The following HNRNPUL2 variants were observed in gnomAD, a reference collection of about 807,000 sequenced individuals.
The protein encoded by HNRNPUL2 is heterogeneous nuclear ribonucleoprotein U like 2.
HNRNPUL2 carries 27 observed loss-of-function variants against 102.2 expected under a neutral mutation model. That is an observed-to-expected ratio of 0.26 (90% CI 0.19 to 0.36). HNRNPUL2 has a LOEUF of 0.36. Ranked by LOEUF, HNRNPUL2 falls within the 10% of genes least tolerant of loss-of-function variation. The pLI, the probability that HNRNPUL2 is intolerant of heterozygous loss-of-function variation, is 1.00. For missense variants in HNRNPUL2, 936 were observed against 981.1 expected, an observed-to-expected ratio of 0.95 and a Z score of 0.61; for synonymous variants, 458 against 387.2, an observed-to-expected ratio of 1.18 and a Z score of -2.15.
At chr11:62,723,507 A>G in intron 4 of HNRNPUL2, 80 bp downstream of exon 4, 1 of 1,397,780 alleles carries the variant, frequency 7.2e-7, no homozygotes. Flanking sequence ...AAAAGAGATA[A>G]TAATCTTCTT....
chr11:62,716,963 G>C, intron 11 of HNRNPUL2, 26 bp downstream of exon 11: 13 of 1,611,286 alleles, frequency 8.1e-6, no homozygotes, highest in Non-Finnish European at 1.1e-5. Context: ...ACTGAAGTAG[G>C]GGGCTGGCAG....
intron 7 of HNRNPUL2, 62 bp from the exon 8 acceptor site, chr11:62,722,004 A>C: frequency 1.2e-6 from 2 of 1,608,906 alleles, no homozygotes; most frequent in Non-Finnish European, 1.7e-6. Context: ...TATCAAAACC[A>C]ATTTAAGAAC....
chr11:62,727,228 G>GCGCCGC lies in HNRNPUL2; in HGVS notation c.-78_-73dup, dbSNP rs199865096. On this transcript the variant is annotated 5_prime_UTR_variant, in exon 1 of 14. Coordinates refer to ENST00000301785, the MANE Select transcript of HNRNPUL2 (RefSeq NM_001079559.3). ...CCGTCGACCGAGTCCGACCGCGCAGGCGCCGCCGCCGCCGCCCGCCTCCGC... is the reference window on the plus strand; with the variant it reads ...CCGTCGACCGAGTCCGACCGCGCAGGCGCCGCCGCCGCCGCCGCCGCCCGCCTCCGC... 57,910 of 1,297,790 alleles carry GCGCCGC rather than the reference G, an allele frequency of 0.045. 1,436 individuals carry two copies. The highest frequency in any genetic ancestry group is 0.052 in the Non-Finnish European group (53,241 of 1,025,408). 80.4% of individuals were successfully genotyped at this position (1,297,790 alleles called of 1,614,324 possible).
At chr11:62,722,039 G>A (rs981770672) in intron 7 of HNRNPUL2, 78 bp downstream of exon 7, 5 of 1,600,200 alleles carry the variant, frequency 3.1e-6, no homozygotes, top group Non-Finnish European at 4.3e-6. Flanking sequence ...GTTTGGTAAC[G>A]CTCTGAGACC....
intron 10 of HNRNPUL2, 120 bp from the exon 11 acceptor site, chr11:62,717,309 T>C: frequency 2.8e-6 from 2 of 719,792 alleles, no homozygotes; most frequent in East Asian, 2.7e-5. Flanking sequence ...TGCACAAAAA[T>C]GTGCTACGTT....
intron 8 of HNRNPUL2, 69 bp downstream of exon 8, chr11:62,721,751 T>G: frequency 8.6e-6 from 13 of 1,519,716 alleles, no homozygotes; most frequent in Non-Finnish European, 1.2e-5. Context: ...TTGAGACTAA[T>G]TCTCCATTAA....
chr11:62,724,067 T>G, intron 2 of HNRNPUL2, 77 bp from the exon 3 acceptor site: 1 of 1,297,950 alleles, frequency 7.7e-7, no homozygotes, highest in Non-Finnish European at 1.1e-6. Context: ...TATGACATTA[T>G]GTCCATTTTA....
In HNRNPUL2 at chr11:62,713,857, T is replaced by C. The variant is rs1432254182; in HGVS notation, c.*1442A>G. ...CAGGAGGATGAATGAAAACTGAAGC[T>C]AGACATTGAAAGAGCATTCCATATC... is the stretch of plus-strand genomic sequence containing the variant. On this transcript the variant is annotated 3_prime_UTR_variant, in exon 14 of 14. Transcript: ENST00000301785. The C allele has an allele frequency of 6.6e-6, 1 of 152,194 alleles. No individual in the cohort carries two copies. Among genetic ancestry groups the C allele is most frequent in the Non-Finnish European group, 1.5e-5 (1 of 68,070 alleles). The allele number at this position is 152,194 out of a possible 1,614,324, so 9.4% of individuals were successfully genotyped here.
chr11:62,726,941 G>A lies in HNRNPUL2; in HGVS notation c.216C>T (p.Gly72=), dbSNP rs752096508. ...RPVAASGGGP[G]GDEEEDEEEE... is the part of the protein sequence containing the mutation. ...CCTCTTCGTCCTCCTCCTCGTCCCC[G>A]CCCGGGCCGCCGCCCGACGCGGCCA... Residue 72 remains glycine (G), a synonymous_variant, in exon 1 of 14, where the codon GGC becomes GGT. Coordinates refer to ENST00000301785, the MANE Select transcript of HNRNPUL2 (RefSeq NM_001079559.3). 24 of 1,477,074 alleles carry A rather than the reference G, an allele frequency of 1.6e-5. No homozygotes were observed. Among genetic ancestry groups the A allele is most frequent in the Middle Eastern group, 2.4e-4 (1 of 4,240 alleles). The allele number at this position is 1,477,074 out of a possible 1,614,324, so 91.5% of individuals were successfully genotyped here.
At position 62,726,946 on chromosome 11, in the gene HNRNPUL2, G is replaced by C; in HGVS notation, c.211C>G (p.Pro71Ala). The C allele has an allele frequency of 6.8e-7, 1 of 1,472,602 alleles. No homozygotes were observed. The highest frequency in any genetic ancestry group is 8.9e-7 in the Non-Finnish European group (1 of 1,120,284). The allele number at this position is 1,472,602 out of a possible 1,614,324, so 91.2% of individuals were successfully genotyped here. ...TCGTCCTCCTCCTCGTCCCCGCCCG[G>C]GCCGCCGCCCGACGCGGCCACAGGC... is the stretch of plus-strand genomic sequence containing the variant. ...PRPVAASGGG[P>A]GGDEEEDEEE... The change falls in exon 1 of 14, where the codon CCG becomes GCG. Residue 71 changes from proline to alanine, a missense_variant. Coordinates refer to ENST00000301785, the MANE Select transcript of HNRNPUL2 (RefSeq NM_001079559.3).
Position 62,727,231 on chromosome 11 carries a change from C to T in HNRNPUL2, c.-75G>A. 7.8e-7 allele frequency: 1 copy of T among 1,278,942 alleles called. No homozygotes were observed. Among genetic ancestry groups the T allele is most frequent in the Non-Finnish European group, 9.9e-7 (1 of 1,011,480 alleles). 79.2% of individuals were successfully genotyped at this position (1,278,942 alleles called of 1,614,324 possible). On this transcript the variant is annotated 5_prime_UTR_variant, in exon 1 of 14. Transcript: ENST00000301785. Reference sequence around the variant, plus strand: ...TCGACCGAGTCCGACCGCGCAGGCGCCGCCGCCGCCGCCCGCCTCCGCCTC... The same window carrying T: ...TCGACCGAGTCCGACCGCGCAGGCGTCGCCGCCGCCGCCCGCCTCCGCCTC...
chr11:62,726,109 G>A (rs1198901987), intron 1 of HNRNPUL2, among the ~76,000 whole-genome samples: 1 of 152,140 alleles, frequency 6.6e-6, no homozygotes, highest in African/African-American at 2.4e-5. Flanking sequence ...GCTCAAAGAG[G>A]AGCAAGGTTG....
At chr11:62,723,530 G>A (rs2083720266) in intron 4 of HNRNPUL2, 57 bp downstream of exon 4, 9 of 1,489,038 alleles carry the variant, frequency 6.0e-6, no homozygotes, top group Non-Finnish European at 8.2e-6. Context: ...CCCCCTCTAA[G>A]AACCGTAAGC....
At chr11:62,725,167 A>G (rs1407564264) in intron 1 of HNRNPUL2, among the ~76,000 whole-genome samples, 3 of 152,202 alleles carry the variant, frequency 2.0e-5, no homozygotes, top group African/African-American at 4.8e-5. Flanking sequence ...AAGGTTTTTA[A>G]TAATAATTTC....
At position 62,724,270 on chromosome 11, in the gene HNRNPUL2, G is replaced by A. The variant is rs550425196; in HGVS notation, c.674+21C>T. The A allele has an allele frequency of 3.0e-4, 490 of 1,613,614 alleles. 2 individuals carry two copies. Among genetic ancestry groups the A allele is most frequent in the East Asian group, 1.9e-3 (85 of 44,876 alleles). Reference sequence around the variant, plus strand: ...AATCAGAGCAGACACTCCCTTCAACGAAAGGGACTGTTTCCCTCACCGGCT... The same window carrying A: ...AATCAGAGCAGACACTCCCTTCAACAAAAGGGACTGTTTCCCTCACCGGCT... On this transcript the variant is annotated intron_variant, in intron 2 of 13. Transcript: ENST00000301785.
intron 11 of HNRNPUL2, 142 bp downstream of exon 11, chr11:62,716,847 G>A (rs1416647048): frequency 1.4e-6 from 1 of 701,908 alleles, no homozygotes; most frequent in Non-Finnish European, 2.4e-6. Context: ...AAAGAACACA[G>A]GAAGAAATAA....
At chr11:62,725,178 T>C (rs556597477) in intron 1 of HNRNPUL2, among the ~76,000 whole-genome samples, 19 of 152,342 alleles carry the variant, frequency 1.2e-4, no homozygotes, top group Admixed American at 3.3e-4. Flanking sequence ...TAATAATTTC[T>C]TTAAAGCAGT....
In HNRNPUL2 at chr11:62,722,793, A is replaced by C; in HGVS notation, c.982+20T>G. On this transcript the variant is annotated intron_variant, in intron 5 of 13. Transcript: ENST00000301785. ...ATATGGTAGTAAACACTAATGAGGA[A>C]CTTAAAGAAATAACTTTACCAAGCT... 1 of 1,612,190 alleles carries C rather than the reference A, an allele frequency of 6.2e-7. No individual in the cohort carries two copies. The highest frequency in any genetic ancestry group is 8.5e-7 in the Non-Finnish European group (1 of 1,178,196).
In HNRNPUL2 at chr11:62,726,996, C is replaced by A. The variant is rs2083758572; in HGVS notation, c.161G>T (p.Gly54Val). ...DEAGGGGAGPGGACKAEPRPV... is the reference protein window; with the variant it reads ...DEAGGGGAGPVGACKAEPRPV... ...CCGAGGCTCCGCCTTGCAGGCCCCG[C>A]CGGGCCCGGCCCCGCCGCCGCCGGC... The change falls in exon 1 of 14, where the codon GGC (glycine) becomes GTC (valine). Residue 54 changes from glycine (G) to valine (V), a missense_variant. Physicochemically the swap from Gly to Val is moderately radical, Grantham distance 109. Coordinates refer to ENST00000301785, the MANE Select transcript of HNRNPUL2 (RefSeq NM_001079559.3). The A allele has an allele frequency of 1.5e-6, 2 of 1,358,606 alleles. No individual in the cohort carries two copies. Among genetic ancestry groups the A allele is most frequent in the Admixed American group, 3.5e-5 (1 of 28,638 alleles). The allele number at this position is 1,358,606 out of a possible 1,614,324, so 84.2% of individuals were successfully genotyped here.
Sources: allele counts gnomAD v4.1 joint callset (sites outside exome capture counted in the v4.1 genomes callset), GRCh38; gene constraint gnomAD v4.1.1; transcripts MANE v1.5; gene names NCBI Gene and HGNC (gene_info 2026-07-23, HGNC 2026-07-21).